Variants in ADAMTS3 observed in about 807,000 individuals in gnomAD.
ADAMTS3 encodes the protein A disintegrin and metalloproteinase with thrombospondin motifs 3.
Under a neutral mutation model 129.0 loss-of-function variants are expected in ADAMTS3, and 73 were observed. The ratio of observed to expected loss-of-function variants is 0.57; its 90% CI spans 0.47 to 0.69. The LOEUF is 0.69. Ranked by LOEUF, ADAMTS3 falls within the 30% of genes least tolerant of loss-of-function variation. The pLI, the probability that ADAMTS3 is intolerant of heterozygous loss-of-function variation, is 0.00. For synonymous variants in ADAMTS3, 477 were observed against 510.8 expected (o/e 0.93, Z 0.89); for missense variants, 1,457 against 1,514.5 (o/e 0.96, Z 0.63).
intron 5 of ADAMTS3, among the ~76,000 whole-genome samples, chr4:72,338,021 A>T (rs572173761): frequency 6.6e-6 from 1 of 152,226 alleles, no homozygotes; most frequent in Non-Finnish European, 1.5e-5. Flanking sequence ...GGAAGTTTGA[A>T]ATTTTAGATA....
chr4:72,541,793 G>C (rs1578779602), intron 3 of ADAMTS3, among the ~76,000 whole-genome samples: 1 of 152,120 alleles, frequency 6.6e-6, no homozygotes, highest in Non-Finnish European at 1.5e-5. Flanking sequence ...CCACGATTGT[G>C]AGGCCTCCCT....
rs983352931 is a variant in ADAMTS3, at chr4:72,550,960, G to A, written c.98-2076C>T. 3.3e-5 allele frequency among the ~76,000 whole-genome samples: 5 copies of A among 152,062 alleles called. No homozygotes were observed. In the South Asian group the frequency reaches 6.2e-4, roughly 19 times the overall value. On this transcript the variant is annotated intron_variant, in intron 2 of 21. Transcript: ENST00000286657. ...GATTTTGTATGTGTCAGGGTGTCTT[G>A]CCAGTTGAATTTGTTTGATGCTTAT...
At chr4:72,318,028 CAAA>C (rs1252397421) in intron 10 of ADAMTS3, among the ~76,000 whole-genome samples, 1 of 123,146 alleles carries the variant, frequency 8.1e-6, no homozygotes, top group Non-Finnish European at 1.8e-5. Context: ...GACTCCGTCT[CAAA>C]AAAAAAAAAA....
At chr4:72,392,279 C>T (rs532987901) in intron 4 of ADAMTS3, among the ~76,000 whole-genome samples, 16 of 152,254 alleles carry the variant, frequency 1.1e-4, no homozygotes, top group Admixed American at 7.8e-4. Flanking sequence ...CATTCCATCT[C>T]GAAACAAGAG....
At position 72,537,387 on chromosome 4, in the gene ADAMTS3, T is replaced by A. The variant is rs77898289; in HGVS notation, c.504+11091A>T. Among the ~76,000 whole-genome samples the A allele has an allele frequency of 0.011, 1,650 of 152,312 alleles. 116 individuals carry two copies. The East Asian group carries it at 0.19, about 18-fold the overall frequency. On this transcript the variant is annotated intron_variant, in intron 3 of 21. Transcript: ENST00000286657. Reference sequence around the variant, plus strand: ...TCTGACTGAAATGATTTTTAGGGAATTTATAGAGATAGCTTTTTTTTTCAT... The same window carrying A: ...TCTGACTGAAATGATTTTTAGGGAAATTATAGAGATAGCTTTTTTTTTCAT...
chr4:72,384,926 T>TGGGA (rs1328510338), intron 4 of ADAMTS3, among the ~76,000 whole-genome samples: 2 of 152,132 alleles, frequency 1.3e-5, no homozygotes, highest in African/African-American at 4.8e-5. Flanking sequence ...CCCAGCACTT[T>TGGGA]GGGAGGCCAA....
chr4:72,387,149 T>A (rs546735868), intron 4 of ADAMTS3, among the ~76,000 whole-genome samples: 1 of 152,332 alleles, frequency 6.6e-6, no homozygotes, highest in Non-Finnish European at 1.5e-5. Context: ...CTGACTCTAC[T>A]CCCTTTAGAG....
chr4:72,442,522 A>C (rs1424402274), intron 3 of ADAMTS3, among the ~76,000 whole-genome samples: 2 of 151,610 alleles, frequency 1.3e-5, no homozygotes, highest in Admixed American at 1.3e-4. Flanking sequence ...AAACGACCAG[A>C]TCTCACTCAT....
chr4:72,431,628 C>G (rs994803168), intron 3 of ADAMTS3, among the ~76,000 whole-genome samples: 1 of 151,900 alleles, frequency 6.6e-6, no homozygotes, highest in African/African-American at 2.4e-5. Flanking sequence ...AGTCTTGGGT[C>G]TCACCCCCAA....
chr4:72,408,578 C>T (rs992521491), intron 4 of ADAMTS3, among the ~76,000 whole-genome samples: 3 of 151,838 alleles, frequency 2.0e-5, no homozygotes. Context: ...AAAATATATT[C>T]AGCACCTGAG....
intron 11 of ADAMTS3, among the ~76,000 whole-genome samples, chr4:72,314,966 C>G (rs1251594681): frequency 6.6e-6 from 1 of 152,122 alleles, no homozygotes; most frequent in Admixed American, 6.6e-5. Flanking sequence ...CTTAACATGC[C>G]TTTGTTTTGG....
chr4:72,312,074 A>G, intron 13 of ADAMTS3: 1 of 492,088 alleles, frequency 2.0e-6, no homozygotes, highest in Non-Finnish European at 3.6e-6. Flanking sequence ...GCTGATGGTG[A>G]TAGTGCTGCT....
chr4:72,556,106 T>C (rs1721759379), intron 2 of ADAMTS3, among the ~76,000 whole-genome samples: 1 of 151,674 alleles, frequency 6.6e-6, no homozygotes, highest in Admixed American at 6.6e-5. Context: ...GACTAATACA[T>C]AGCCTTAGTG....
At chr4:72,495,672 C>CAGA (rs1719856783) in intron 3 of ADAMTS3, among the ~76,000 whole-genome samples, 2 of 152,084 alleles carry the variant, frequency 1.3e-5, no homozygotes, top group Non-Finnish European at 2.9e-5. Flanking sequence ...TGACCTACCT[C>CAGA]TTTCAGTTAT....
At chr4:72,434,383 TGAA>T in intron 3 of ADAMTS3, among the ~76,000 whole-genome samples, 1 of 90,644 alleles carries the variant, frequency 1.1e-5, no homozygotes, top group South Asian at 5.8e-4. Context: ...AACTAAGACA[TGAA>T]CTCGTGTCTT....
chr4:72,290,690 ACT>A (rs1378492767), intron 20 of ADAMTS3, among the ~76,000 whole-genome samples, 163 bp downstream of exon 20: 23 of 152,214 alleles, frequency 1.5e-4, no homozygotes, highest in Non-Finnish European at 1.5e-5. Flanking sequence ...CCTAACATGT[ACT>A]GTCTTAAAGC....
chr4:72,303,411 C>CA (rs568198874), intron 17 of ADAMTS3, among the ~76,000 whole-genome samples: 31 of 151,892 alleles, frequency 2.0e-4, no homozygotes, highest in Non-Finnish European at 3.7e-4. Context: ...AATAAAAAAC[C>CA]AAAAAACTAG....
chr4:72,460,370 C>T (rs537274980), intron 3 of ADAMTS3, among the ~76,000 whole-genome samples: 1 of 151,440 alleles, frequency 6.6e-6, no homozygotes, highest in East Asian at 2.0e-4. Context: ...AAGCCACTAG[C>T]ATTTCAAAAA....
intron 3 of ADAMTS3, among the ~76,000 whole-genome samples, chr4:72,474,769 G>C (rs1719179996): frequency 6.6e-6 from 1 of 152,152 alleles, no homozygotes; most frequent in Non-Finnish European, 1.5e-5. Context: ...GCTCACGCCT[G>C]TAATCCCAGC....
Sources: allele counts gnomAD v4.1 joint callset (sites outside exome capture counted in the v4.1 genomes callset), GRCh38; gene constraint gnomAD v4.1.1; transcripts MANE v1.5; gene names NCBI Gene and HGNC (gene_info 2026-07-23, HGNC 2026-07-21).